The following CUL1 variants were observed in gnomAD, a reference collection of about 807,000 sequenced individuals.
CUL1 encodes cullin 1.
CUL1 carries 24 observed loss-of-function variants against 118.0 expected under a neutral mutation model. The ratio of observed to expected loss-of-function variants is 0.20; its 90% CI spans 0.15 to 0.29. The LOEUF is 0.29. Among genes scored for constraint, CUL1 ranks in the 10% least tolerant of loss-of-function variants. CUL1 has a pLI of 1.00. For synonymous variants in CUL1, 332 were observed against 340.4 expected, an observed-to-expected ratio of 0.98 and a Z score of 0.27; for missense variants, 361 against 933.8, an observed-to-expected ratio of 0.39 and a Z score of 7.99.
intron 2 of CUL1, among the ~76,000 whole-genome samples, chr7:148,738,777 CTATATT>C (rs772116724): frequency 1.5e-4 from 23 of 152,138 alleles, no homozygotes; most frequent in Admixed American, 5.2e-4. Flanking sequence ...ATCTTAATTC[CTATATT>C]TAACTTGTCC....
At chr7:148,778,910 G>A (rs1800516955) in intron 9 of CUL1, among the ~76,000 whole-genome samples, 1 of 152,182 alleles carries the variant, frequency 6.6e-6, no homozygotes, top group African/African-American at 2.4e-5. Context: ...CGAGCCTGTA[G>A]CACCCCATTA....
At chr7:148,728,567 T>G (rs1319919930) in intron 1 of CUL1, among the ~76,000 whole-genome samples, 2 of 152,198 alleles carry the variant, frequency 1.3e-5, no homozygotes, top group Non-Finnish European at 2.9e-5. Flanking sequence ...TAGGAAACAT[T>G]TCCAGAGTGG....
intron 9 of CUL1, among the ~76,000 whole-genome samples, chr7:148,772,955 G>T (rs1200737430): frequency 6.6e-6 from 1 of 151,930 alleles, no homozygotes; most frequent in Non-Finnish European, 1.5e-5. Context: ...CTCCTCCCTT[G>T]GCTCTTACTG....
At chr7:148,792,646 A>G (rs1801056075) in intron 16 of CUL1, 80 bp from the exon 17 acceptor site, 2 of 901,392 alleles carry the variant, frequency 2.2e-6, no homozygotes, top group South Asian at 1.6e-5. Context: ...AAGTTCTTCA[A>G]ACTTGGGCTG....
At chr7:148,797,150 C>T (rs956465098) in intron 17 of CUL1, among the ~76,000 whole-genome samples, 5 of 152,002 alleles carry the variant, frequency 3.3e-5, no homozygotes, top group African/African-American at 9.7e-5. Context: ...TTGACAAGGT[C>T]GCCTGCCGCT....
intron 17 of CUL1, among the ~76,000 whole-genome samples, chr7:148,794,187 T>C (rs1801108493): frequency 6.6e-6 from 1 of 152,130 alleles, no homozygotes; most frequent in South Asian, 2.1e-4. Flanking sequence ...TTTTTCCCAT[T>C]CTGTGGGTTG....
At chr7:148,777,654 A>G (rs6977453) in intron 9 of CUL1, among the ~76,000 whole-genome samples, 102,540 of 152,016 alleles carry the variant, frequency 0.67, 34,753 homozygotes, top group Admixed American at 0.73. Flanking sequence ...TTCCAATCCT[A>G]CGTGCCCCTG....
intron 2 of CUL1, among the ~76,000 whole-genome samples, chr7:148,742,598 GTTT>G (rs59592789): frequency 4.0e-4 from 45 of 112,160 alleles, no homozygotes; most frequent in African/African-American, 1.3e-3. Flanking sequence ...ACCTTTTCTG[GTTT>G]TTTTTTTTTT....
chr7:148,699,719 G>A (rs940336425), intron 1 of CUL1, among the ~76,000 whole-genome samples: 2 of 152,126 alleles, frequency 1.3e-5, no homozygotes, highest in African/African-American at 4.8e-5. Context: ...CATGCGCGCA[G>A]GGATGCTAGC....
At chr7:148,725,219 G>GCGCACACACACACACACACACACACACA in intron 1 of CUL1, among the ~76,000 whole-genome samples, 76 of 140,142 alleles carry the variant, frequency 5.4e-4, no homozygotes, top group East Asian at 1.9e-3. Context: ...ACACGCGCGC[G>GCGCACACACACACACACACACACACACA]CTCACACACA....
rs144438285 is a variant in CUL1, at chr7:148,753,914, T to C, written c.141-62T>C. On this transcript the variant is annotated intron_variant, in intron 2 of 21. Coordinates refer to ENST00000325222, the MANE Select transcript of CUL1 (RefSeq NM_003592.3). ...ATTGGTAATGAAATATAAGAAAATA[T>C]GTTTATGTTAATGACCGTTAACGTC... 1,379 of 1,264,096 alleles carry C rather than the reference T, an allele frequency of 1.1e-3. 10 individuals carry two copies. The African/African-American group carries it at 0.017, about 16-fold the overall frequency. 78.3% of individuals were successfully genotyped at this position (1,264,096 alleles called of 1,614,324 possible). A position where few individuals can be genotyped will look rare whatever the true frequency, so the allele number is the denominator to read the frequency against.
chr7:148,724,209 C>T (rs1057203437), intron 1 of CUL1, among the ~76,000 whole-genome samples: 2 of 152,158 alleles, frequency 1.3e-5, no homozygotes, highest in Non-Finnish European at 2.9e-5. Context: ...TCTTATGCAC[C>T]GTTAATCTTG....
At chr7:148,742,246 A>G (rs186063637) in intron 2 of CUL1, among the ~76,000 whole-genome samples, 3 of 152,186 alleles carry the variant, frequency 2.0e-5, no homozygotes, top group African/African-American at 7.2e-5. Flanking sequence ...TGGGTAATTT[A>G]TGAAGGAAAG....
Position 148,781,079 on chromosome 7 carries a change from A to ATTTTT in CUL1, c.1084-2686_1084-2682dup, listed in dbSNP as rs1197920664. Reference sequence around the variant, plus strand: ...GCTAAATTCACATTTTCAAGGCCAGATTTTTTTTTTTTTTTTTTTTTTGAC... The same window carrying ATTTTT: ...GCTAAATTCACATTTTCAAGGCCAGATTTTTTTTTTTTTTTTTTTTTTTTTTTGAC... On this transcript the variant is annotated intron_variant, in intron 9 of 21. Transcript: ENST00000325222. Among the ~76,000 whole-genome samples the ATTTTT allele has an allele frequency of 9.6e-3, 902 of 93,682 alleles. 179 individuals carry two copies. The highest frequency in any genetic ancestry group is 0.031 in the African/African-American group (677 of 21,702). 61.5% of individuals were successfully genotyped at this position (93,682 alleles called of 152,430 possible). A position where few individuals can be genotyped will look rare whatever the true frequency, so the allele number is the denominator to read the frequency against.
chr7:148,711,067 T>C (rs970253248), intron 1 of CUL1, among the ~76,000 whole-genome samples: 2 of 152,190 alleles, frequency 1.3e-5, no homozygotes, highest in Non-Finnish European at 2.9e-5. Flanking sequence ...CTGCTTCTTA[T>C]TGAATGTTGT....
intron 1 of CUL1, among the ~76,000 whole-genome samples, chr7:148,704,167 C>T (rs1472722878): frequency 7.7e-6 from 1 of 129,546 alleles, no homozygotes; most frequent in Non-Finnish European, 1.6e-5. Context: ...CCCCCCCCCA[C>T]CCCCGTGGAA....
At chr7:148,745,672 G>A (rs1048750532) in intron 2 of CUL1, among the ~76,000 whole-genome samples, 11 of 152,084 alleles carry the variant, frequency 7.2e-5, no homozygotes, top group African/African-American at 2.7e-4. Flanking sequence ...TTCTCTATTC[G>A]CAGGAAATCA....
intron 2 of CUL1, among the ~76,000 whole-genome samples, chr7:148,735,420 C>T (rs1798906873): frequency 6.6e-6 from 1 of 152,242 alleles, no homozygotes; most frequent in African/African-American, 2.4e-5. Flanking sequence ...CCTTCCCTTC[C>T]ATAGGAGCTG....
intron 2 of CUL1, among the ~76,000 whole-genome samples, chr7:148,752,311 G>A (rs10155860): frequency 0.18 from 27,543 of 152,108 alleles, 2,676 homozygotes; most frequent in Admixed American, 0.23. Context: ...AGTTGAGGGA[G>A]GCTGTAGGTG....
Sources: gnomAD v4.1 joint callset for allele counts (sites outside exome capture counted in the v4.1 genomes callset) on GRCh38, gnomAD v4.1.1 for gene constraint, MANE v1.5 for transcripts, NCBI Gene and HGNC (gene_info 2026-07-23, HGNC 2026-07-21) for gene names.